The following MRE11 variants were observed in gnomAD, a reference collection of about 807,000 sequenced individuals.
MRE11 encodes MRE11 double strand break repair nuclease.
MRE11 carries 62 observed loss-of-function variants against 91.7 expected under a neutral mutation model. That is an observed-to-expected ratio of 0.68 (90% CI 0.55 to 0.84). The LOEUF is 0.84. Ranked by LOEUF, MRE11 falls within the 40% of genes least tolerant of loss-of-function variation. MRE11 has a pLI of 0.00. For synonymous variants in MRE11, 273 were observed against 271.4 expected (o/e 1.01, Z -0.06); for missense variants, 796 against 852.9 (o/e 0.93, Z 0.83).
chr11:94,493,219 A>G (rs1040941805), intron 1 of MRE11, among the ~76,000 whole-genome samples: 4 of 152,190 alleles, frequency 2.6e-5, no homozygotes, highest in Admixed American at 2.0e-4. Flanking sequence ...CTGGTTCAAC[A>G]CACAAACAAC....
At chr11:94,508,097 G>A in the MRE11 span, among the ~76,000 whole-genome samples, 1 of 151,924 alleles carries the variant, frequency 6.6e-6, no homozygotes, top group African/African-American at 2.4e-5. Flanking sequence ...AGCCTCCCAA[G>A]TAGCTAGGAC....
At chr11:94,457,547 C>T (rs116568859) in intron 13 of MRE11, among the ~76,000 whole-genome samples, 219 of 152,182 alleles carry the variant, frequency 1.4e-3, no homozygotes, top group African/African-American at 5.0e-3. Context: ...AGTATGTAAT[C>T]GTGCCCTAGG....
intron 17 of MRE11, 32 bp downstream of exon 17, chr11:94,437,145 T>C (rs1945639902): frequency 6.4e-7 from 1 of 1,560,030 alleles, no homozygotes; most frequent in Non-Finnish European, 8.8e-7. Flanking sequence ...ACATAAATTA[T>C]TAATACACAA....
At chr11:94,511,241 C>T in the MRE11 span, among the ~76,000 whole-genome samples, 1 of 152,076 alleles carries the variant, frequency 6.6e-6, no homozygotes, top group Non-Finnish European at 1.5e-5. Flanking sequence ...AAAGAGAGAG[C>T]GATCTCCTGC....
intron 19 of MRE11, among the ~76,000 whole-genome samples, chr11:94,424,858 G>C (rs780967623): frequency 1.3e-5 from 2 of 152,072 alleles, no homozygotes; most frequent in Non-Finnish European, 2.9e-5. Context: ...ATTATGTAAA[G>C]AGGCAAAACC....
chr11:94,467,689 G>A (rs1374150004), intron 10 of MRE11, 124 bp downstream of exon 10: 20 of 795,356 alleles, frequency 2.5e-5, no homozygotes, highest in Admixed American at 4.5e-5. Context: ...TTTTGCCTCC[G>A]ATGGTGATTG....
chr11:94,442,584 A>G (rs1473202560), intron 16 of MRE11, among the ~76,000 whole-genome samples: 1 of 152,154 alleles, frequency 6.6e-6, no homozygotes, highest in Non-Finnish European at 1.5e-5. Flanking sequence ...ATGCTAACCA[A>G]TTTTGGTGGT....
At chr11:94,508,783 A>G in the MRE11 span, among the ~76,000 whole-genome samples, 20 of 146,782 alleles carry the variant, frequency 1.4e-4, no homozygotes, top group African/African-American at 4.8e-4. Flanking sequence ...TTTTTTCGAG[A>G]CAGAGTCTTG....
At chr11:94,459,676 G>A in intron 12 of MRE11, 95 bp from the exon 13 acceptor site, 1 of 1,344,888 alleles carries the variant, frequency 7.4e-7, no homozygotes, top group Non-Finnish European at 1.0e-6. Flanking sequence ...TGTTACCAGA[G>A]AAAAAATATA....
chr11:94,509,348 T>C, the MRE11 span, among the ~76,000 whole-genome samples: 3 of 152,354 alleles, frequency 2.0e-5, no homozygotes, highest in South Asian at 2.1e-4. Context: ...TTTTTTACTA[T>C]ATAAAAGTAA....
At chr11:94,489,826 C>T (rs768622347) in intron 3 of MRE11, among the ~76,000 whole-genome samples, 4 of 152,108 alleles carry the variant, frequency 2.6e-5, no homozygotes, top group Admixed American at 1.3e-4. Context: ...CTAAGTTTGT[C>T]GAAATCAAAC....
At chr11:94,505,550 G>A in the MRE11 span, among the ~76,000 whole-genome samples, 1 of 152,128 alleles carries the variant, frequency 6.6e-6, no homozygotes, top group East Asian at 1.9e-4. Context: ...TTTAAACTAA[G>A]TGTTATTACA....
At chr11:94,485,789 AC>A in intron 4 of MRE11, 134 bp downstream of exon 4, 2 of 830,896 alleles carry the variant, frequency 2.4e-6, no homozygotes, top group Non-Finnish European at 3.8e-6. Flanking sequence ...ACAATGATGT[AC>A]AAAAAAATTC....
At chr11:94,482,517 A>G (rs926994368) in intron 4 of MRE11, among the ~76,000 whole-genome samples, 5 of 152,244 alleles carry the variant, frequency 3.3e-5, no homozygotes, top group Non-Finnish European at 5.9e-5. Context: ...TACACAAAAG[A>G]AATGAAATAC....
At chr11:94,484,904 T>C (rs916343030) in intron 4 of MRE11, among the ~76,000 whole-genome samples, 2 of 152,188 alleles carry the variant, frequency 1.3e-5, no homozygotes, top group African/African-American at 2.4e-5. Flanking sequence ...CAATGTGAGA[T>C]CCTGTACAAT....
intron 15 of MRE11, among the ~76,000 whole-genome samples, 154 bp downstream of exon 15, chr11:94,447,065 C>T (rs929566461): frequency 1.3e-5 from 2 of 152,124 alleles, no homozygotes; most frequent in African/African-American, 4.8e-5. Flanking sequence ...GTCAGAACTG[C>T]CTTAAAGACT....
At chr11:94,489,209 G>A (rs1359073425) in intron 3 of MRE11, among the ~76,000 whole-genome samples, 6 of 152,016 alleles carry the variant, frequency 3.9e-5, no homozygotes, top group East Asian at 3.9e-4. Flanking sequence ...CAGGGAAGAC[G>A]TCTCCAAAAA....
chr11:94,477,366 T>C (rs1383385429), intron 6 of MRE11, among the ~76,000 whole-genome samples: 3 of 152,328 alleles, frequency 2.0e-5, no homozygotes, highest in East Asian at 1.9e-4. Flanking sequence ...CACCTTGATC[T>C]AGTGAAAGAA....
chr11:94,464,367 C>T (rs1481119732), intron 10 of MRE11, 128 bp from the exon 11 acceptor site: 6 of 1,264,610 alleles, frequency 4.7e-6, no homozygotes, highest in African/African-American at 1.5e-5. Context: ...TAATTTTCTA[C>T]AGTAGATCAT....
Sources: gnomAD v4.1 joint callset for allele counts (sites outside exome capture counted in the v4.1 genomes callset) on GRCh38, gnomAD v4.1.1 for gene constraint, MANE v1.5 for transcripts, NCBI Gene and HGNC (gene_info 2026-07-23, HGNC 2026-07-21) for gene names.